The following PTPRD variants were observed in gnomAD, a reference collection of about 807,000 sequenced individuals.
PTPRD encodes receptor-type tyrosine-protein phosphatase delta.
Under a neutral mutation model 214.5 loss-of-function variants are expected in PTPRD, and 34 were observed. That is an observed-to-expected ratio of 0.16 (90% CI 0.12 to 0.21). The LOEUF (loss-of-function observed/expected upper bound fraction) is 0.21. Among genes scored for constraint, PTPRD ranks in the 10% least tolerant of loss-of-function variants. PTPRD has a pLI of 1.00. For synonymous variants in PTPRD, 1,128 were observed against 845.7 expected (o/e 1.33, Z -5.79); for missense variants, 2,545 against 2,398.7 (o/e 1.06, Z -1.27).
intron 3 of PTPRD, among the ~76,000 whole-genome samples, chr9:10,070,747 A>T (rs548697797): frequency 2.6e-5 from 4 of 151,972 alleles, no homozygotes; most frequent in Non-Finnish European, 5.9e-5. Context: ...GAAATTTTCA[A>T]TGACTATTTA....
At chr9:8,613,017 TTCA>T (rs1437507417) in intron 14 of PTPRD, among the ~76,000 whole-genome samples, 2 of 152,290 alleles carry the variant, frequency 1.3e-5, no homozygotes, top group African/African-American at 2.4e-5. Context: ...AGTTAGTACT[TTCA>T]TGTGTTTATA....
rs551192482 is a variant in PTPRD, at chr9:8,471,157, C to A, written c.3414-72G>T. ...AAACGTGGATATACCCTTAAACCTT[C>A]CACAGACCAATGAGGTTGAAGGCAA... On this transcript the variant is annotated intron_variant, in intron 30 of 45. Coordinates refer to ENST00000381196, the MANE Select transcript of PTPRD (RefSeq NM_002839.4). 27 of 1,313,364 alleles carry A rather than the reference C, an allele frequency of 2.1e-5. No homozygotes were observed. The Admixed American group carries it at 2.2e-4, about 11-fold the overall frequency. 81.4% of individuals were successfully genotyped at this position (1,313,364 alleles called of 1,614,324 possible).
At chr9:8,329,161 G>C (rs1305164873) in intron 44 of PTPRD, among the ~76,000 whole-genome samples, 1 of 151,976 alleles carries the variant, frequency 6.6e-6, no homozygotes, top group South Asian at 2.1e-4. Context: ...CCCCATCTTC[G>C]TGGATTTATC....
In PTPRD at chr9:9,875,794, C is replaced by T. The variant is rs557059398; in HGVS notation, c.-368+62713G>A. ...AAGACAAAATAACAATCCACAACACCAGTTAATCTTAGTAAAATGTGATAA... is the reference window on the plus strand; with the variant it reads ...AAGACAAAATAACAATCCACAACACTAGTTAATCTTAGTAAAATGTGATAA... On this transcript the variant is annotated intron_variant, in intron 5 of 45. Transcript: ENST00000381196. 6.6e-5 allele frequency among the ~76,000 whole-genome samples: 10 copies of T among 152,090 alleles called. No homozygotes were observed. In the East Asian group the frequency reaches 1.4e-3, roughly 21 times the overall value.
intron 5 of PTPRD, among the ~76,000 whole-genome samples, chr9:9,811,760 G>A (rs1486537250): frequency 1.3e-5 from 2 of 152,158 alleles, no homozygotes; most frequent in African/African-American, 2.4e-5. Context: ...TGATGAAGAT[G>A]CTGTGGATAT....
At chr9:8,665,109 T>A (rs1218149436) in intron 12 of PTPRD, among the ~76,000 whole-genome samples, 1 of 152,192 alleles carries the variant, frequency 6.6e-6, no homozygotes, top group East Asian at 1.9e-4. Context: ...TCTCAAAAAC[T>A]GAGTTCGAAT....
intron 11 of PTPRD, among the ~76,000 whole-genome samples, chr9:8,974,255 C>T (rs567520200): frequency 1.3e-5 from 2 of 152,100 alleles, no homozygotes; most frequent in Admixed American, 1.3e-4. Context: ...TAATTTCATT[C>T]TTCTGCATGT....
chr9:9,032,145 G>A (rs918332216), intron 10 of PTPRD, among the ~76,000 whole-genome samples: 1 of 151,908 alleles, frequency 6.6e-6, no homozygotes, highest in Non-Finnish European at 1.5e-5. Flanking sequence ...TCTGTGGGTT[G>A]TAGGAGATGA....
At position 10,090,285 on chromosome 9, in the gene PTPRD, C is replaced by A. The variant is rs188070344; in HGVS notation, c.-544-56495G>T. On this transcript the variant is annotated intron_variant, in intron 3 of 45. Coordinates refer to ENST00000381196, the MANE Select transcript of PTPRD (RefSeq NM_002839.4). The stretch of plus-strand genomic sequence containing the variant: ...TGTTTATTCATTCTACTATCAAGAA[C>A]CTGAGACAATGTGGAATTAGCCAGA... 1.3e-3 allele frequency among the ~76,000 whole-genome samples: 194 copies of A among 151,682 alleles called. 1 individual carries two copies. The highest frequency in any genetic ancestry group is 4.3e-3 in the African/African-American group (180 of 41,446).
chr9:9,261,826 C>T (rs11792302), intron 9 of PTPRD, among the ~76,000 whole-genome samples: 14,378 of 151,816 alleles, frequency 0.095, 706 homozygotes, highest in Middle Eastern at 0.18. Flanking sequence ...TTCATTATCT[C>T]TGCAAGGAGT....
chr9:8,500,558 GAAAA>G (rs146807692), intron 24 of PTPRD, among the ~76,000 whole-genome samples, 192 bp downstream of exon 24: 199 of 14,180 alleles, frequency 0.014, no homozygotes, highest in Non-Finnish European at 0.02. Flanking sequence ...TGAAAAAAAT[GAAAA>G]AAAAAAAAAA....
At chr9:9,816,064 T>A (rs1255921226) in intron 5 of PTPRD, among the ~76,000 whole-genome samples, 1 of 152,174 alleles carries the variant, frequency 6.6e-6, no homozygotes, top group Non-Finnish European at 1.5e-5. Context: ...AGCATGGTTG[T>A]GGTCATCATT....
At position 8,383,860 on chromosome 9, in the gene PTPRD, G is replaced by A. The variant is rs141937289; in HGVS notation, c.4386+5372C>T. Among the ~76,000 whole-genome samples, 90 of 152,292 alleles carry A rather than the reference G, an allele frequency of 5.9e-4. 2 individuals carry two copies. In the East Asian group the frequency reaches 0.012, roughly 21 times the overall value. On this transcript the variant is annotated intron_variant, in intron 37 of 45. Transcript: ENST00000381196. ...GGGCAAGGAATGAAGGCAAGCTGGT[G>A]AGGTGAAGTAAAAGTCAGATATATT...
At chr9:9,218,369 A>C (rs1170824061) in intron 9 of PTPRD, among the ~76,000 whole-genome samples, 1 of 152,138 alleles carries the variant, frequency 6.6e-6, no homozygotes, top group Non-Finnish European at 1.5e-5. Context: ...AGCCATTTCA[A>C]TGTTAAAACA....
Position 8,317,471 on chromosome 9 carries a change from C to T in PTPRD, c.*403G>A, listed in dbSNP as rs764891038. 22 of 242,252 alleles carry T rather than the reference C, an allele frequency of 9.1e-5. No individual in the cohort carries two copies. The highest frequency in any genetic ancestry group is 1.1e-4 in the Non-Finnish European group (13 of 122,424). The allele number at this position is 242,252 out of a possible 1,614,324, so 15.0% of individuals were successfully genotyped here. ...GAAGGGGCGATGTCAAAGCAGAGTC[C>T]GTTTCATTGTGAGAAGCCACACCAG... On this transcript the variant is annotated 3_prime_UTR_variant, in exon 46 of 46. Transcript: ENST00000381196.
intron 39 of PTPRD, among the ~76,000 whole-genome samples, chr9:8,368,676 CTTT>C (rs199556434): frequency 2.2e-4 from 26 of 117,280 alleles, no homozygotes; most frequent in Non-Finnish European, 3.0e-4. Context: ...CCTTTTAATG[CTTT>C]TTTTTTTTTT....
chr9:8,485,668 G>T (rs1486123976), intron 28 of PTPRD, 94 bp downstream of exon 28: 30 of 1,110,760 alleles, frequency 2.7e-5, no homozygotes, highest in Non-Finnish European at 3.7e-5. Flanking sequence ...CTATTAATAT[G>T]AATGGGCTGA....
At chr9:8,735,499 C>T (rs1463419341) in intron 11 of PTPRD, among the ~76,000 whole-genome samples, 1 of 152,136 alleles carries the variant, frequency 6.6e-6, no homozygotes, top group East Asian at 1.9e-4. Flanking sequence ...ATTTGCATTT[C>T]TACATGTTCC....
chr9:10,600,957 A>G (rs1020914042), intron 2 of PTPRD, among the ~76,000 whole-genome samples: 20 of 151,778 alleles, frequency 1.3e-4, no homozygotes, highest in African/African-American at 4.8e-4. Flanking sequence ...TTTTCATCAT[A>G]AGCTAACTAA....
Sources: allele counts gnomAD v4.1 joint callset (sites outside exome capture counted in the v4.1 genomes callset), GRCh38; gene constraint gnomAD v4.1.1; transcripts MANE v1.5; gene names NCBI Gene and HGNC (gene_info 2026-07-23, HGNC 2026-07-21).